The following LRRC4C variants were observed in gnomAD, a reference collection of about 807,000 sequenced individuals.
The protein encoded by LRRC4C is leucine rich repeat containing 4C, also known as leucine-rich repeat-containing protein 4C.
LRRC4C carries 5 observed loss-of-function variants against 33.6 expected under a neutral mutation model. That is an observed-to-expected ratio of 0.15 (90% confidence interval 0.08 to 0.31). LRRC4C has a LOEUF of 0.31. LRRC4C is among the 10% of genes least tolerant of loss of function. LRRC4C has a pLI of 1.00. For missense variants in LRRC4C, 560 were observed against 796.7 expected (o/e 0.70, Z 3.58); for synonymous variants, 329 against 302.0 (o/e 1.09, Z -0.93).
chr11:41,325,945 C>G (rs180698654), intron 1 of LRRC4C, among the ~76,000 whole-genome samples: 36 of 152,222 alleles, frequency 2.4e-4, no homozygotes, highest in African/African-American at 8.7e-4. Flanking sequence ...ATAATAGGTA[C>G]AACAACCCCT....
chr11:40,789,361 A>T (rs919251229), intron 2 of LRRC4C, among the ~76,000 whole-genome samples: 1 of 152,140 alleles, frequency 6.6e-6, no homozygotes, highest in Non-Finnish European at 1.5e-5. Flanking sequence ...CCGAAAATGT[A>T]CATAGTCGAT....
At chr11:40,786,016 G>T (rs1950399902) in intron 2 of LRRC4C, among the ~76,000 whole-genome samples, 2 of 152,050 alleles carry the variant, frequency 1.3e-5, no homozygotes, top group East Asian at 3.9e-4. Context: ...ATGAAAATTG[G>T]TGTCCTATTT....
At chr11:40,251,743 A>T (rs886567643) in intron 4 of LRRC4C, among the ~76,000 whole-genome samples, 8 of 152,192 alleles carry the variant, frequency 5.3e-5, no homozygotes, top group African/African-American at 1.9e-4. Flanking sequence ...ACTTTGATTT[A>T]AAAGAGTTTA....
intron 2 of LRRC4C, among the ~76,000 whole-genome samples, chr11:40,759,457 C>T (rs1182123924): frequency 6.6e-6 from 1 of 151,742 alleles, no homozygotes; most frequent in Non-Finnish European, 1.5e-5. Flanking sequence ...AATACTGTAA[C>T]TTTAAGGCCT....
Position 40,630,330 on chromosome 11 carries a change from CTCTTCTTCTTCTTCTTCT to C in LRRC4C, c.-270+17794_-270+17811del, listed in dbSNP as rs200043868. On this transcript the variant is annotated intron_variant, in intron 3 of 6. Transcript: ENST00000528697. ...TTATTACTTGTTTTCTTTCTTCTTC[CTCTTCTTCTTCTTCTTCT>C]TCTTCTTCTTCTTCTTCTTCTTCTT... 9.7e-3 allele frequency among the ~76,000 whole-genome samples: 1,321 copies of C among 135,542 alleles called. 22 individuals are homozygous for C. The highest frequency in any genetic ancestry group is 0.012 in the Non-Finnish European group (772 of 64,506). 88.9% of individuals were successfully genotyped at this position (135,542 alleles called of 152,430 possible). A position where few individuals can be genotyped will look rare whatever the true frequency, so the allele number is the denominator to read the frequency against.
chr11:41,441,944 A>T (rs917636692), intron 1 of LRRC4C, among the ~76,000 whole-genome samples: 2 of 152,218 alleles, frequency 1.3e-5, no homozygotes, highest in Non-Finnish European at 1.5e-5. Flanking sequence ...GGTTTAAAAA[A>T]ATTATAATAA....
At chr11:40,124,559 A>G in intron 6 of LRRC4C, among the ~76,000 whole-genome samples, 1 of 152,216 alleles carries the variant, frequency 6.6e-6, no homozygotes, top group East Asian at 1.9e-4. Context: ...CAAGCACAGA[A>G]AGACAAATTT....
rs1020433233 is a variant in LRRC4C, at chr11:41,033,904, T to C, written c.-495-100181A>G. On this transcript the variant is annotated intron_variant, in intron 1 of 6. Coordinates refer to ENST00000528697, the MANE Select transcript of LRRC4C (RefSeq NM_001258419.2). ...CTGTGAACACTGTAAATGAGAAAAA[T>C]TTAACCTACAAATCATTTTAGAATC... Among the ~76,000 whole-genome samples the C allele has an allele frequency of 3.9e-5, 6 of 152,164 alleles. No individual in the cohort carries two copies. The South Asian group carries it at 1.2e-3, about 32-fold the overall frequency.
chr11:40,229,185 G>A (rs754151703), intron 5 of LRRC4C, among the ~76,000 whole-genome samples: 17 of 151,942 alleles, frequency 1.1e-4, no homozygotes, highest in Non-Finnish European at 2.1e-4. Context: ...CCTCTACACA[G>A]CCTTTTCCTC....
intron 1 of LRRC4C, among the ~76,000 whole-genome samples, chr11:41,180,248 A>G (rs952739143): frequency 1.3e-5 from 2 of 152,210 alleles, no homozygotes; most frequent in African/African-American, 4.8e-5. Flanking sequence ...GAAAGCAGCC[A>G]GATCACAATA....
chr11:40,261,107 C>T (rs1029532778), intron 4 of LRRC4C, among the ~76,000 whole-genome samples: 2 of 152,018 alleles, frequency 1.3e-5, no homozygotes, highest in Non-Finnish European at 2.9e-5. Context: ...TATCAAACTC[C>T]TGACCTCAAG....
Position 40,583,117 on chromosome 11 carries a change from T to A in LRRC4C, c.-270+65025A>T, listed in dbSNP as rs903685902. On this transcript the variant is annotated intron_variant, in intron 3 of 6. Coordinates refer to ENST00000528697, the MANE Select transcript of LRRC4C (RefSeq NM_001258419.2). ...ACCAACCTCTCTTCATTCTCTTTTT[T>A]ATGTCCTTTCTTTCACCCAACTTTT... Among the ~76,000 whole-genome samples the A allele has an allele frequency of 3.3e-5, 5 of 152,196 alleles. No homozygotes were observed. The East Asian group carries it at 9.7e-4, about 29-fold the overall frequency.
intron 1 of LRRC4C, among the ~76,000 whole-genome samples, chr11:41,097,996 T>C (rs1940924177): frequency 6.7e-6 from 1 of 150,058 alleles, no homozygotes; most frequent in Non-Finnish European, 1.5e-5. Flanking sequence ...TATATTTCCA[T>C]TAAAAAAAAT....
intron 3 of LRRC4C, among the ~76,000 whole-genome samples, chr11:40,516,454 G>C (rs529319265): frequency 5.6e-4 from 85 of 152,130 alleles, no homozygotes; most frequent in African/African-American, 1.9e-3. Flanking sequence ...GCAGGATGAT[G>C]AGTGCCTCTG....
intron 1 of LRRC4C, among the ~76,000 whole-genome samples, chr11:41,170,935 T>A (rs1354054580): frequency 1.3e-5 from 2 of 152,110 alleles, no homozygotes; most frequent in East Asian, 3.9e-4. Flanking sequence ...CATCAAAAAG[T>A]GGGTGAAGGA....
At chr11:40,698,174 A>G (rs1187909547) in intron 2 of LRRC4C, among the ~76,000 whole-genome samples, 1 of 152,094 alleles carries the variant, frequency 6.6e-6, no homozygotes, top group Non-Finnish European at 1.5e-5. Context: ...ACAAATGAAC[A>G]TTTAAAAATT....
chr11:40,338,594 G>C (rs779678206), intron 3 of LRRC4C, among the ~76,000 whole-genome samples: 21 of 152,072 alleles, frequency 1.4e-4, no homozygotes, highest in Non-Finnish European at 2.8e-4. Flanking sequence ...ATGAATATGA[G>C]GTCTATCTTG....
At chr11:40,788,906 C>T (rs1431882598) in intron 2 of LRRC4C, among the ~76,000 whole-genome samples, 1 of 151,954 alleles carries the variant, frequency 6.6e-6, no homozygotes, top group Non-Finnish European at 1.5e-5. Flanking sequence ...TCCTGGCTAA[C>T]ATGGTGAAAC....
intron 2 of LRRC4C, among the ~76,000 whole-genome samples, chr11:40,740,086 T>G (rs1303554864): frequency 1.3e-5 from 2 of 152,038 alleles, no homozygotes; most frequent in Non-Finnish European, 2.9e-5. Flanking sequence ...TTGGGTTGAT[T>G]CCATATCTTG....
Sources: allele counts gnomAD v4.1 joint callset (sites outside exome capture counted in the v4.1 genomes callset), GRCh38; gene constraint gnomAD v4.1.1; transcripts MANE v1.5; gene names NCBI Gene and HGNC (gene_info 2026-07-23, HGNC 2026-07-21).